Variants in HNF4G observed in about 807,000 individuals in gnomAD.
HNF4G encodes hepatocyte nuclear factor 4 gamma, also known as hepatocyte nuclear factor 4-gamma.
A neutral mutation model predicts 50.9 loss-of-function variants in HNF4G; 21 were observed. That is an observed-to-expected ratio of 0.41 (90% CI 0.29 to 0.59). The LOEUF is 0.59. HNF4G is among the 20% of genes least tolerant of loss of function. The probability of loss-of-function intolerance (pLI) is 0.26; values close to 1 mark genes in which losing one functional copy is unlikely to be tolerated. For synonymous variants in HNF4G, 198 were observed against 185.6 expected (o/e 1.07, Z -0.54); for missense variants, 527 against 559.4 (o/e 0.94, Z 0.58).
chr8:75,432,664 A>G (rs1811042382), intron 1 of HNF4G, among the ~76,000 whole-genome samples: 1 of 152,172 alleles, frequency 6.6e-6, no homozygotes, highest in African/African-American at 2.4e-5. Flanking sequence ...TCTATATGGT[A>G]GCTAGCTTCT....
intron 2 of HNF4G, among the ~76,000 whole-genome samples, chr8:75,496,493 G>C (rs1812769145): frequency 6.6e-6 from 1 of 151,698 alleles, no homozygotes. Context: ...GTTTTTCTCA[G>C]GGCATTTTCA....
At chr8:75,413,112 G>A (rs1212007057) in intron 1 of HNF4G, among the ~76,000 whole-genome samples, 1 of 151,704 alleles carries the variant, frequency 6.6e-6, no homozygotes, top group Admixed American at 6.6e-5. Context: ...AAGTGGGGAA[G>A]GAACACTGGG....
intron 1 of HNF4G, among the ~76,000 whole-genome samples, chr8:75,540,566 C>T (rs1376180920): frequency 2.6e-5 from 4 of 152,034 alleles, no homozygotes; most frequent in African/African-American, 7.2e-5. Flanking sequence ...AAATTACTAT[C>T]AGGTTTTTGC....
At chr8:75,443,145 G>A (rs932030974) in intron 1 of HNF4G, among the ~76,000 whole-genome samples, 3 of 152,132 alleles carry the variant, frequency 2.0e-5, no homozygotes, top group African/African-American at 4.8e-5. Flanking sequence ...GAGGGAACAG[G>A]AGAAGCAGCC....
Position 75,437,330 on chromosome 8 carries a change from G to T in HNF4G, c.-144+29168G>T, listed in dbSNP as rs79967135. On this transcript the variant is annotated intron_variant, in intron 1 of 10. Transcript: ENST00000354370. The stretch of plus-strand genomic sequence containing the variant: ...TGTGTCATACTCATCATATTTCCAG[G>T]TATTAAGTGTATAACACTGTCAGCA... 0.011 allele frequency among the ~76,000 whole-genome samples: 1,599 copies of T among 152,224 alleles called. 70 individuals carry two copies. The East Asian group carries it at 0.15, about 14-fold the overall frequency.
intron 1 of HNF4G, among the ~76,000 whole-genome samples, chr8:75,408,337 C>A (rs1051835133): frequency 3.3e-5 from 5 of 151,988 alleles, no homozygotes; most frequent in African/African-American, 1.2e-4. Flanking sequence ...ATGTGATTCC[C>A]AGGTCTCTGG....
intron 2 of HNF4G, among the ~76,000 whole-genome samples, chr8:75,501,856 ATT>A (rs11400950): frequency 0.17 from 20,189 of 120,374 alleles, 1,421 homozygotes; most frequent in African/African-American, 0.26. Context: ...TACCTAAAGT[ATT>A]TTTTTTTTTT....
intron 1 of HNF4G, among the ~76,000 whole-genome samples, chr8:75,454,425 C>T (rs1013906645): frequency 1.3e-5 from 2 of 152,210 alleles, no homozygotes; most frequent in African/African-American, 2.4e-5. Flanking sequence ...GCAGTTCTTA[C>T]TATCCTGGGC....
chr8:75,454,595 T>C (rs1563513387), intron 1 of HNF4G, among the ~76,000 whole-genome samples: 1 of 152,160 alleles, frequency 6.6e-6, no homozygotes, highest in Non-Finnish European at 1.5e-5. Context: ...TGTTGCTGTG[T>C]CAGGCTTCTA....
At chr8:75,501,463 A>C (rs984830666) in intron 2 of HNF4G, among the ~76,000 whole-genome samples, 2 of 152,144 alleles carry the variant, frequency 1.3e-5, no homozygotes, top group African/African-American at 2.4e-5. Flanking sequence ...GTTTGGTAAC[A>C]TTTGGTACAT....
chr8:75,562,530 A>G (rs1387054517), intron 9 of HNF4G, among the ~76,000 whole-genome samples: 1 of 152,170 alleles, frequency 6.6e-6, no homozygotes, highest in Non-Finnish European at 1.5e-5. Flanking sequence ...TGTGTCTCTT[A>G]AAGATCAGTT....
At chr8:75,541,265 G>T (rs1806614357) in intron 1 of HNF4G, among the ~76,000 whole-genome samples, 1 of 152,016 alleles carries the variant, frequency 6.6e-6, no homozygotes, top group African/African-American at 2.4e-5. Flanking sequence ...GATTTTGTAT[G>T]GCTATATCCA....
intron 6 of HNF4G, among the ~76,000 whole-genome samples, chr8:75,557,482 G>C (rs762744521): frequency 6.6e-6 from 1 of 152,190 alleles, no homozygotes; most frequent in African/African-American, 2.4e-5. Flanking sequence ...TTAACTGGGC[G>C]TGGTGGCGGG....
At position 75,551,369 on chromosome 8, in the gene HNF4G, C is replaced by T. The variant is rs372874112; in HGVS notation, c.383-19C>T. ...ACTAAAGAGAAGTGCTCAATAAATA[C>T]TGTGTTTTTTCCCCCTAGCTGTACA... is the stretch of plus-strand genomic sequence containing the variant. On this transcript the variant is annotated intron_variant, in intron 3 of 9. Transcript: ENST00000396423. The T allele has an allele frequency of 6.4e-6, 9 of 1,410,070 alleles. No individual in the cohort carries two copies. Among genetic ancestry groups the T allele is most frequent in the Non-Finnish European group, 8.0e-6 (8 of 994,764 alleles). 87.3% of individuals were successfully genotyped at this position (1,410,070 alleles called of 1,614,324 possible).
At chr8:75,460,162 T>G (rs1173818940) in intron 1 of HNF4G, among the ~76,000 whole-genome samples, 1 of 151,908 alleles carries the variant, frequency 6.6e-6, no homozygotes. Flanking sequence ...AACTAAGTGG[T>G]TTGAAAGAGT....
intron 1 of HNF4G, among the ~76,000 whole-genome samples, chr8:75,434,138 G>A (rs1585839327): frequency 6.6e-6 from 1 of 151,112 alleles, no homozygotes; most frequent in South Asian, 2.1e-4. Flanking sequence ...TGAGTAGCTG[G>A]GATTATAGGC....
At chr8:75,553,226 T>TA in intron 5 of HNF4G, 29 bp downstream of exon 5, 1 of 1,570,692 alleles carries the variant, frequency 6.4e-7, no homozygotes, top group Non-Finnish European at 8.7e-7. Context: ...ATAAATGCTT[T>TA]AAAAATGCTT....
rs375832872 is a variant in HNF4G at position 75,445,657 on chromosome 8, C to T, written c.-144+37495C>T. On this transcript the variant is annotated intron_variant, in intron 1 of 10. Transcript: ENST00000354370. Reference sequence around the variant, plus strand: ...TCAGAGAATACTACAAACACCTCTACGCAAATAAACTAGAAAATCGAGAAG... The same window carrying T: ...TCAGAGAATACTACAAACACCTCTATGCAAATAAACTAGAAAATCGAGAAG... 4.0e-4 allele frequency among the ~76,000 whole-genome samples: 45 copies of T among 112,322 alleles called. No individual in the cohort carries two copies. In the East Asian group the frequency reaches 5.5e-3, roughly 14 times the overall value. 73.7% of individuals were successfully genotyped at this position (112,322 alleles called of 152,430 possible).
At chr8:75,513,417 C>A (rs1270646974) in intron 2 of HNF4G, among the ~76,000 whole-genome samples, 2 of 152,132 alleles carry the variant, frequency 1.3e-5, no homozygotes, top group African/African-American at 4.8e-5. Context: ...TAGAAAAATG[C>A]CCATCTTGTG....
Sources: gnomAD v4.1 joint callset for allele counts (sites outside exome capture counted in the v4.1 genomes callset) on GRCh38, gnomAD v4.1.1 for gene constraint, MANE v1.5 for transcripts, NCBI Gene and HGNC (gene_info 2026-07-23, HGNC 2026-07-21) for gene names.